Variants in DAAM1 observed in about 807,000 individuals in gnomAD.
DAAM1 encodes disheveled-associated activator of morphogenesis 1.
DAAM1 carries 52 observed loss-of-function variants against 130.0 expected under a neutral mutation model. That is an observed-to-expected ratio of 0.40 (90% CI 0.32 to 0.50). The LOEUF is 0.50. Among genes scored for constraint, DAAM1 ranks in the 20% least tolerant of loss-of-function variants. The pLI, the probability that DAAM1 is intolerant of heterozygous loss-of-function variation, is 0.61. For missense variants in DAAM1, 1,134 were observed against 1,303.8 expected (o/e 0.87, Z 2.01); for synonymous variants, 452 against 444.5 (o/e 1.02, Z -0.21).
intron 1 of DAAM1, among the ~76,000 whole-genome samples, chr14:59,225,006 T>C (rs1033963129): frequency 1.4e-5 from 2 of 139,672 alleles, no homozygotes; most frequent in African/African-American, 5.4e-5. Context: ...CTGTAAGAAA[T>C]AAATCTGTGT....
At chr14:59,340,216 C>G (rs774159633) in intron 16 of DAAM1, 36 bp downstream of exon 16, 2 of 1,581,124 alleles carry the variant, frequency 1.3e-6, no homozygotes, top group Admixed American at 1.7e-5. Context: ...TCTAGTAGGA[C>G]CAACATTTCC....
intron 1 of DAAM1, among the ~76,000 whole-genome samples, chr14:59,196,653 G>T (rs182971951): frequency 6.6e-6 from 1 of 152,058 alleles, no homozygotes; most frequent in African/African-American, 2.4e-5. Flanking sequence ...TGAGGCAGGA[G>T]AATGGCGTGA....
At chr14:59,326,417 T>G in intron 10 of DAAM1, 93 bp from the exon 11 acceptor site, 1 of 1,286,114 alleles carries the variant, frequency 7.8e-7, no homozygotes, top group South Asian at 1.6e-5. Flanking sequence ...ATCTCTGGTT[T>G]GGTGGCTTTA....
At chr14:59,278,459 A>AT (rs1161281845) in intron 2 of DAAM1, among the ~76,000 whole-genome samples, 2 of 152,314 alleles carry the variant, frequency 1.3e-5, no homozygotes, top group African/African-American at 4.8e-5. Context: ...AAACTTAGGA[A>AT]TTTTTTATTT....
At chr14:59,363,862 G>A (rs932470908) in intron 23 of DAAM1, 80 bp downstream of exon 23, 16 of 1,569,340 alleles carry the variant, frequency 1.0e-5, no homozygotes, top group South Asian at 4.6e-5. Flanking sequence ...TATTCTGTAC[G>A]GGAAATAGCA....
chr14:59,315,239 A>T lies in DAAM1; in HGVS notation c.274-41A>T, dbSNP rs545397054. On this transcript the variant is annotated intron_variant, in intron 3 of 24. Coordinates refer to ENST00000360909, the MANE Select transcript of DAAM1 (RefSeq NM_001270520.2). ...GGATGTGTTTCTAGGTGCTGTGTGTATATGTTGGGTGGTATGTCACTTTTT... is the reference window on the plus strand; with the variant it reads ...GGATGTGTTTCTAGGTGCTGTGTGTTTATGTTGGGTGGTATGTCACTTTTT... 256 of 1,578,312 alleles carry T rather than the reference A, an allele frequency of 1.6e-4. 1 individual carries two copies. The highest frequency in any genetic ancestry group is 1.5e-3 in the Middle Eastern group (9 of 5,986).
At chr14:59,365,790 A>G (rs1252450545) in intron 23 of DAAM1, among the ~76,000 whole-genome samples, 2 of 152,192 alleles carry the variant, frequency 1.3e-5, no homozygotes, top group African/African-American at 4.8e-5. Flanking sequence ...GAAAATGTTA[A>G]GTAGTTGATT....
At chr14:59,251,844 A>G (rs1594780898) in intron 1 of DAAM1, among the ~76,000 whole-genome samples, 2 of 152,156 alleles carry the variant, frequency 1.3e-5, no homozygotes, top group Non-Finnish European at 2.9e-5. Flanking sequence ...AGGGAGTTCC[A>G]GTTTTTATAA....
intron 2 of DAAM1, among the ~76,000 whole-genome samples, chr14:59,268,395 G>A (rs1400971378): frequency 6.6e-6 from 1 of 152,216 alleles, no homozygotes; most frequent in Non-Finnish European, 1.5e-5. Context: ...GTAACACTGT[G>A]TTGAACTTTT....
intron 20 of DAAM1, 173 bp from the exon 21 acceptor site, chr14:59,359,224 C>T (rs1886609486): frequency 3.9e-6 from 2 of 515,340 alleles, no homozygotes; most frequent in Non-Finnish European, 6.9e-6. Context: ...TCTTGAGAAT[C>T]CCTGCCTTAC....
chr14:59,326,114 T>C lies in DAAM1; in HGVS notation c.1174+37T>C, dbSNP rs371778973. ...CGTGACTCACATGTGTGCTTCTGAA[T>C]GTTTGGACATTGTCCTAATGGGTTC... is the stretch of plus-strand genomic sequence containing the variant. On this transcript the variant is annotated intron_variant, in intron 10 of 24. Coordinates refer to ENST00000360909, the MANE Select transcript of DAAM1 (RefSeq NM_001270520.2). 27 of 1,581,422 alleles carry C rather than the reference T, an allele frequency of 1.7e-5. No homozygotes were observed. The Admixed American group carries it at 4.3e-4, about 25-fold the overall frequency.
Position 59,353,192 on chromosome 14 carries a change from G to A in DAAM1, c.2267+560G>A, listed in dbSNP as rs142449250. ...AAAGCCCTGAGGCAGCCACAGCTTC[G>A]TAATTGGGTTTGGCATATGAGCTAA... On this transcript the variant is annotated intron_variant, in intron 18 of 24. Coordinates refer to ENST00000360909, the MANE Select transcript of DAAM1 (RefSeq NM_001270520.2). 1.7e-3 allele frequency among the ~76,000 whole-genome samples: 266 copies of A among 152,242 alleles called. 1 individual carries two copies. Among genetic ancestry groups the A allele is most frequent in the Middle Eastern group, 6.8e-3 (2 of 294 alleles).
At chr14:59,295,510 T>C (rs1883922020) in intron 3 of DAAM1, among the ~76,000 whole-genome samples, 1 of 152,204 alleles carries the variant, frequency 6.6e-6, no homozygotes, top group African/African-American at 2.4e-5. Flanking sequence ...AAGAAATTCG[T>C]CCACCACACG....
chr14:59,275,153 C>T (rs1032107588), intron 2 of DAAM1, among the ~76,000 whole-genome samples: 2 of 152,156 alleles, frequency 1.3e-5, no homozygotes, highest in Admixed American at 1.3e-4. Context: ...CCCACAGGGA[C>T]TTAGGGTACC....
At chr14:59,281,470 C>T (rs1013920474) in intron 2 of DAAM1, among the ~76,000 whole-genome samples, 3 of 151,934 alleles carry the variant, frequency 2.0e-5, no homozygotes, top group Non-Finnish European at 4.4e-5. Context: ...AATTGGACTT[C>T]GCATGCAGTG....
At chr14:59,225,523 T>C (rs1888914495) in intron 1 of DAAM1, among the ~76,000 whole-genome samples, 1 of 152,224 alleles carries the variant, frequency 6.6e-6, no homozygotes, top group African/African-American at 2.4e-5. Context: ...CCTCTTTCTG[T>C]GCCTTTGATT....
intron 19 of DAAM1, among the ~76,000 whole-genome samples, chr14:59,354,462 C>T (rs1433110515): frequency 6.6e-6 from 1 of 152,186 alleles, no homozygotes; most frequent in Non-Finnish European, 1.5e-5. Context: ...AGTCTCGGAG[C>T]TCACAGCACG....
intron 3 of DAAM1, among the ~76,000 whole-genome samples, chr14:59,314,636 T>C (rs1458432838): frequency 6.6e-6 from 1 of 152,058 alleles, no homozygotes; most frequent in Non-Finnish European, 1.5e-5. Flanking sequence ...ATTCTTTGGG[T>C]TTCAGTTCTT....
At chr14:59,233,143 G>T (rs1159671846) in intron 1 of DAAM1, among the ~76,000 whole-genome samples, 2 of 151,950 alleles carry the variant, frequency 1.3e-5, no homozygotes, top group Non-Finnish European at 2.9e-5. Context: ...TATTCCTTTG[G>T]GTATATACCC....
Sources: gnomAD v4.1 joint callset for allele counts (sites outside exome capture counted in the v4.1 genomes callset) on GRCh38, gnomAD v4.1.1 for gene constraint, MANE v1.5 for transcripts, NCBI Gene and HGNC (gene_info 2026-07-23, HGNC 2026-07-21) for gene names.